The following XYLT1 variants were observed in gnomAD, a reference collection of about 807,000 sequenced individuals.
XYLT1 encodes the protein xylosyltransferase 1.
In XYLT1, 36 loss-of-function variants were observed where a neutral mutation model predicts 91.3. That is an observed-to-expected ratio of 0.39 (90% CI 0.30 to 0.52). The LOEUF (loss-of-function observed/expected upper bound fraction) is 0.52. Ranked by LOEUF, XYLT1 falls within the 20% of genes least tolerant of loss-of-function variation. The probability of loss-of-function intolerance (pLI) is 0.68; values close to 1 mark genes in which losing one functional copy is unlikely to be tolerated. For missense variants in XYLT1, 1,242 were observed against 1,284.5 expected (o/e 0.97, Z 0.51); for synonymous variants, 588 against 532.0 (o/e 1.11, Z -1.45).
At position 17,470,564 on chromosome 16, in the gene XYLT1, C is replaced by T. The variant is rs2036974329; in HGVS notation, c.233G>A (p.Arg78Gln). Residue 78 changes from arginine (R) to glutamine (Q), a missense_variant, in exon 1 of 12, where the codon CGA (arginine) becomes CAA (glutamine). Physicochemically the swap from Arg to Gln is conservative, Grantham distance 43. Around this residue, in one of 3 missense-constraint regions of XYLT1, gnomAD observed 437 missense variants for 411.5 expected, o/e 1.06. Coordinates refer to ENST00000261381, the MANE Select transcript of XYLT1 (RefSeq NM_022166.4). ...RDLPAEPAAA[R>Q]GGGGGGGGGG... ...TCCGCCGCCGCCTCCTCCTCCTCCT[C>T]GGGCTGCAGCCGGCTCGGCGGGCAG... The T allele has an allele frequency of 1.7e-6, 2 of 1,209,586 alleles. No homozygotes were observed. The highest frequency in any genetic ancestry group is 2.1e-6 in the Non-Finnish European group (2 of 974,360). The allele number at this position is 1,209,586 out of a possible 1,614,324, so 74.9% of individuals were successfully genotyped here.
intron 1 of XYLT1, among the ~76,000 whole-genome samples, chr16:17,393,738 A>AC (rs1443265087): frequency 6.6e-5 from 10 of 151,762 alleles, no homozygotes; most frequent in African/African-American, 2.4e-4. Flanking sequence ...ACATAGGGAG[A>AC]CCCCATCTCA....
At chr16:17,426,336 G>C (rs1458345519) in intron 1 of XYLT1, among the ~76,000 whole-genome samples, 1 of 152,158 alleles carries the variant, frequency 6.6e-6, no homozygotes, top group Non-Finnish European at 1.5e-5. Flanking sequence ...GAGGCAGATG[G>C]ATCACCTGAG....
intron 2 of XYLT1, among the ~76,000 whole-genome samples, chr16:17,275,430 G>A (rs890931354): frequency 2.6e-5 from 4 of 152,144 alleles, no homozygotes; most frequent in Non-Finnish European, 5.9e-5. Flanking sequence ...AAAGGCCCTG[G>A]AAGAAAGCAA....
intron 3 of XYLT1, among the ~76,000 whole-genome samples, chr16:17,221,160 C>T (rs1342266643): frequency 6.6e-6 from 1 of 152,136 alleles, no homozygotes; most frequent in Non-Finnish European, 1.5e-5. Context: ...GCAGCCATCA[C>T]TCCTTTTCAA....
intron 3 of XYLT1, among the ~76,000 whole-genome samples, chr16:17,219,272 CTT>C: frequency 1.2e-5 from 1 of 80,428 alleles, no homozygotes; most frequent in South Asian, 5.0e-4. Flanking sequence ...CTAAGCAAGA[CTT>C]TGTCTCAAAA....
chr16:17,155,994 TCATCAC>T (rs568132521), intron 6 of XYLT1, among the ~76,000 whole-genome samples: 174 of 152,328 alleles, frequency 1.1e-3, no homozygotes, highest in African/African-American at 4.0e-3. Flanking sequence ...AATGACATAA[TCATCAC>T]CATCACCATC....
At chr16:17,283,096 C>A (rs897625714) in intron 2 of XYLT1, among the ~76,000 whole-genome samples, 1 of 152,010 alleles carries the variant, frequency 6.6e-6, no homozygotes, top group African/African-American at 2.4e-5. Flanking sequence ...TCATCCAGCA[C>A]GAGTGGATGG....
chr16:17,322,308 A>G (rs2034735818), intron 2 of XYLT1, among the ~76,000 whole-genome samples: 1 of 152,188 alleles, frequency 6.6e-6, no homozygotes, highest in African/African-American at 2.4e-5. Context: ...GCCTCACAGT[A>G]CCTACCAGGC....
chr16:17,175,014 G>A (rs145611243), intron 5 of XYLT1, among the ~76,000 whole-genome samples: 63 of 152,100 alleles, frequency 4.1e-4, no homozygotes, highest in African/African-American at 1.4e-3. Context: ...TCAAGTTACC[G>A]CCCTCTTTGG....
chr16:17,252,324 C>G (rs1402761004), intron 3 of XYLT1, among the ~76,000 whole-genome samples: 2 of 152,150 alleles, frequency 1.3e-5, no homozygotes, highest in Non-Finnish European at 2.9e-5. Flanking sequence ...ACGGCAGAGC[C>G]AGGAATTAAA....
rs115646104 is a variant in XYLT1, at chr16:17,108,389, G to A, written c.*306C>T. ...CGAAAGAAAAGTCTGAAAATCACAC[G>A]TCTGGGGTCAGGGGTGGGTCACTGG... On this transcript the variant is annotated 3_prime_UTR_variant, in exon 12 of 12. Coordinates refer to ENST00000261381, the MANE Select transcript of XYLT1 (RefSeq NM_022166.4). 1.2e-5 allele frequency: 4 copies of A among 326,484 alleles called. No homozygotes were observed. The highest frequency in any genetic ancestry group is 4.2e-5 in the African/African-American group (2 of 47,486). The allele number at this position is 326,484 out of a possible 1,614,324, so 20.2% of individuals were successfully genotyped here.
intron 5 of XYLT1, among the ~76,000 whole-genome samples, chr16:17,188,807 G>A (rs966963781): frequency 9.2e-5 from 14 of 152,114 alleles, no homozygotes; most frequent in Non-Finnish European, 4.4e-5. Context: ...CAACCCTATG[G>A]GGTGGTGCCA....
chr16:17,440,603 A>C (rs1043912500), intron 1 of XYLT1, among the ~76,000 whole-genome samples: 1 of 152,332 alleles, frequency 6.6e-6, no homozygotes, highest in Non-Finnish European at 1.5e-5. Flanking sequence ...CTTGAAATAG[A>C]AATGGAATCT....
chr16:17,465,034 C>T (rs1031188831), intron 1 of XYLT1, among the ~76,000 whole-genome samples: 3 of 148,158 alleles, frequency 2.0e-5, no homozygotes, highest in Admixed American at 6.9e-5. Flanking sequence ...ATCCCAGCTA[C>T]TCAGGAGGCT....
At chr16:17,282,143 G>GTC (rs931041531) in intron 2 of XYLT1, among the ~76,000 whole-genome samples, 3 of 152,156 alleles carry the variant, frequency 2.0e-5, no homozygotes. Context: ...ACCCTGCATG[G>GTC]TCTAGTCCTT....
chr16:17,348,376 T>C lies in XYLT1; in HGVS notation c.402+9636A>G, dbSNP rs114794091. ...AGCTCTGGGTCCTGGTTTCCTTCCA[T>C]GTCAAGTATAAAGATGGAACCCAAC... On this transcript the variant is annotated intron_variant, in intron 2 of 11. Transcript: ENST00000261381. Among the ~76,000 whole-genome samples the C allele has an allele frequency of 4.9e-3, 739 of 152,186 alleles. 4 individuals carry two copies. The highest frequency in any genetic ancestry group is 0.017 in the African/African-American group (705 of 41,520).
intron 5 of XYLT1, chr16:17,192,940 G>A (rs913006816): frequency 6.6e-6 from 1 of 151,406 alleles, no homozygotes; most frequent in Non-Finnish European, 1.5e-5. Context: ...AGCCTCATGA[G>A]TAGCTGGGGT....
chr16:17,371,288 A>C (rs1454117253), intron 1 of XYLT1, among the ~76,000 whole-genome samples: 1 of 152,218 alleles, frequency 6.6e-6, no homozygotes, highest in African/African-American at 2.4e-5. Context: ...TTTATGCTTA[A>C]TGAAGTCCTA....
intron 2 of XYLT1, among the ~76,000 whole-genome samples, chr16:17,262,165 T>C (rs934292936): frequency 6.6e-6 from 1 of 152,194 alleles, no homozygotes; most frequent in East Asian, 1.9e-4. Context: ...TGCCATTTTA[T>C]AGAACGAGGA....
Sources: gnomAD v4.1 joint callset for allele counts (sites outside exome capture counted in the v4.1 genomes callset) on GRCh38, gnomAD v4.1.1 for gene constraint, gnomAD v4.1.1 regional missense constraint, MANE v1.5 for transcripts, NCBI Gene and HGNC (gene_info 2026-07-23, HGNC 2026-07-21) for gene names.